ALLC: variants seen among roughly 807,000 people sequenced by gnomAD.
The protein encoded by ALLC is allantoicase, also known as probable inactive allantoicase.
Under a neutral mutation model 45.0 loss-of-function variants are expected in ALLC, and 40 were observed. The ratio of observed to expected loss-of-function variants is 0.89; its 90% CI spans 0.69 to 1.16. The LOEUF is 1.16. Ranked by LOEUF, ALLC falls within the 50% of genes most tolerant of loss-of-function variation. The probability of loss-of-function intolerance (pLI) is 0.00; values close to 1 mark genes in which losing one functional copy is unlikely to be tolerated. For synonymous variants in ALLC, 176 were observed against 178.1 expected, an observed-to-expected ratio of 0.99 and a Z score of 0.09; for missense variants, 488 against 493.1, an observed-to-expected ratio of 0.99 and a Z score of 0.10.
chr2:3,659,958 A>G (rs1572501771), intron 1 of ALLC, among the ~76,000 whole-genome samples: 1 of 152,080 alleles, frequency 6.6e-6, no homozygotes, highest in African/African-American at 2.4e-5. Flanking sequence ...CCTTTCTCAC[A>G]TTTTTTTATC....
At chr2:3,653,286 C>A (rs1473343357), upstream of ALLC, among the ~76,000 whole-genome samples, 1 of 152,226 alleles carries the variant, frequency 6.6e-6, no homozygotes, top group Non-Finnish European at 1.5e-5. The surrounding 1 kb of genome is among the most constrained non-coding windows in gnomAD (Gnocchi z 4.1). Context: ...TGTGGAGTTC[C>A]ATTGCACAGG....
intron 10 of ALLC, 28 bp downstream of exon 10, chr2:3,697,484 C>T: frequency 6.4e-7 from 1 of 1,571,572 alleles, no homozygotes; most frequent in South Asian, 1.1e-5. Context: ...AAGAAGTACC[C>T]TATAATTGGT....
rs116836871 is a variant in ALLC, at chr2:3,678,933, A to G, written c.172+378A>G. 1.9e-3 allele frequency among the ~76,000 whole-genome samples: 294 copies of G among 152,264 alleles called. 1 individual carries two copies. The highest frequency in any genetic ancestry group is 6.7e-3 in the African/African-American group (277 of 41,540). On this transcript the variant is annotated intron_variant, in intron 4 of 11. Coordinates refer to ENST00000252505, the MANE Select transcript of ALLC (RefSeq NM_018436.4). Reference sequence around the variant, plus strand: ...CTTTATCCCCGTTTAACCGCCATGGAAACAGATTCCTGGACTCAGCCCAGG... The same window carrying G: ...CTTTATCCCCGTTTAACCGCCATGGGAACAGATTCCTGGACTCAGCCCAGG...
chr2:3,654,808 A>G (rs1264539164), upstream of ALLC, among the ~76,000 whole-genome samples: 1 of 152,210 alleles, frequency 6.6e-6, no homozygotes, highest in Non-Finnish European at 1.5e-5. Context: ...TGTCACAGAC[A>G]GGGCATTTGC....
chr2:3,655,066 G>C (rs530724734), upstream of ALLC, among the ~76,000 whole-genome samples: 2 of 152,364 alleles, frequency 1.3e-5, no homozygotes, highest in East Asian at 3.9e-4. Context: ...GACAGGAACT[G>C]CTTCCTCGTG....
chr2:3,647,320 CACAT>C, the ALLC span, among the ~76,000 whole-genome samples: 1 of 152,082 alleles, frequency 6.6e-6, no homozygotes, highest in Non-Finnish European at 1.5e-5. Flanking sequence ...CACACACACA[CACAT>C]ACACACACGA....
chr2:3,674,317 G>A (rs1666967403), intron 3 of ALLC, among the ~76,000 whole-genome samples, 192 bp downstream of exon 3: 1 of 152,196 alleles, frequency 6.6e-6, no homozygotes, highest in African/African-American at 2.4e-5. Context: ...ACAGGGATCT[G>A]AGCAAGTAAT....
At chr2:3,666,671 A>G (rs7558370) in intron 1 of ALLC, among the ~76,000 whole-genome samples, 4 of 152,210 alleles carry the variant, frequency 2.6e-5, no homozygotes, top group African/African-American at 9.7e-5. Flanking sequence ...CTTGATGAGC[A>G]CGCCGCGATG....
At chr2:3,660,204 GC>G (rs1666537114) in intron 1 of ALLC, among the ~76,000 whole-genome samples, 1 of 152,140 alleles carries the variant, frequency 6.6e-6, no homozygotes, top group African/African-American at 2.4e-5. Context: ...GTTAGGAGGA[GC>G]CTGGCGTCCC....
chr2:3,696,440 A>G, intron 9 of ALLC, 92 bp downstream of exon 9: 1 of 1,011,906 alleles, frequency 9.9e-7, no homozygotes, highest in Admixed American at 2.4e-5. Context: ...ACATTTTAGA[A>G]ACCTCATATG....
At chr2:3,650,171 G>T in the ALLC span, among the ~76,000 whole-genome samples, 312 of 152,338 alleles carry the variant, frequency 2.0e-3, 3 homozygotes, top group African/African-American at 7.3e-3. Flanking sequence ...AGAGGGCAGC[G>T]CTGGCTGAGA....
chr2:3,658,573 A>G (rs1329990667), intron 1 of ALLC, among the ~76,000 whole-genome samples: 1 of 152,202 alleles, frequency 6.6e-6, no homozygotes, highest in African/African-American at 2.4e-5. Context: ...CTTCTTAAAA[A>G]AAAATCTAAA....
rs1442187836 is a variant in ALLC at position 3,695,778 on chromosome 2, C to A, written c.573C>A (p.Asp191Glu). The A allele has an allele frequency of 4.3e-6, 7 of 1,613,518 alleles. No homozygotes were observed. Among genetic ancestry groups the A allele is most frequent in the African/African-American group, 2.7e-5 (2 of 74,928 alleles). The change falls in exon 8 of 12, where the codon GAC (aspartate) becomes GAA (glutamate). Residue 191 changes from aspartate (D) to glutamate (E), a missense_variant. Transcript: ENST00000252505. ...GACAAAAAGACTGGACTGCAACTGA[C>A]CCCAAAGAACCTGCAGACCTAGTGG... ...GTGQKDWTAT[D>E]PKEPADLVAI...
At chr2:3,693,875 C>T (rs1180635625) in intron 7 of ALLC, among the ~76,000 whole-genome samples, 1 of 152,090 alleles carries the variant, frequency 6.6e-6, no homozygotes, top group Non-Finnish European at 1.5e-5. Flanking sequence ...GTAATCCCGG[C>T]TAGTTGGGAG....
chr2:3,647,303 ACACACT>A, the ALLC span, among the ~76,000 whole-genome samples: 1 of 58,886 alleles, frequency 1.7e-5, no homozygotes, highest in African/African-American at 4.5e-5. Context: ...AAGAGCATGC[ACACACT>A]CACACACACA....
intron 11 of ALLC, among the ~76,000 whole-genome samples, 170 bp downstream of exon 11, chr2:3,701,806 C>G (rs945975500): frequency 6.6e-6 from 1 of 152,206 alleles, no homozygotes; most frequent in Non-Finnish European, 1.5e-5. Flanking sequence ...CTATTTCTCT[C>G]CACTTTTGTA....
chr2:3,651,468 T>C, the ALLC span, among the ~76,000 whole-genome samples: 8 of 135,986 alleles, frequency 5.9e-5, no homozygotes, highest in African/African-American at 1.6e-4. Context: ...GTTAAAGGCG[T>C]AGAAAGGACA....
chr2:3,692,491 T>A (rs1298238042), intron 7 of ALLC, among the ~76,000 whole-genome samples: 1 of 152,226 alleles, frequency 6.6e-6, no homozygotes, highest in Non-Finnish European at 1.5e-5. Flanking sequence ...AAGCTTAGCT[T>A]AGAGAATCAT....
the ALLC span, among the ~76,000 whole-genome samples, chr2:3,646,593 G>C: frequency 6.6e-6 from 1 of 152,236 alleles, no homozygotes; most frequent in Admixed American, 6.5e-5. Context: ...ATGATGTACA[G>C]CTGGAGAAGC....
Sources: gnomAD v4.1 joint callset for allele counts (sites outside exome capture counted in the v4.1 genomes callset) on GRCh38, gnomAD v4.1.1 for gene constraint, Gnocchi (gnomAD v3.1) non-coding constraint, MANE v1.5 for transcripts, NCBI Gene and HGNC (gene_info 2026-07-23, HGNC 2026-07-21) for gene names.